KCNQ1: variants seen among roughly 807,000 people sequenced by gnomAD.
KCNQ1 encodes potassium voltage-gated channel subfamily KQT member 1.
In KCNQ1, 49 loss-of-function variants were observed where a neutral mutation model predicts 72.4. That is an observed-to-expected ratio of 0.68 (90% CI 0.54 to 0.86). The LOEUF is 0.86. Ranked by LOEUF, KCNQ1 falls within the 40% of genes least tolerant of loss-of-function variation. KCNQ1 has a pLI of 0.00. For missense variants in KCNQ1, 790 were observed against 945.1 expected (o/e 0.84, Z 2.15); for synonymous variants, 450 against 412.6 (o/e 1.09, Z -1.10).
intron 1 of KCNQ1, among the ~76,000 whole-genome samples, chr11:2,485,469 T>C (rs1286151259): frequency 6.6e-6 from 1 of 151,042 alleles, no homozygotes; most frequent in African/African-American, 2.4e-5. Flanking sequence ...CTGTATCCCC[T>C]CTTTCTTACA....
Position 2,457,949 on chromosome 11 carries a change from A to G in KCNQ1, c.386+12465A>G, listed in dbSNP as rs997407266. Among the ~76,000 whole-genome samples, 5 of 152,098 alleles carry G rather than the reference A, an allele frequency of 3.3e-5. No individual in the cohort carries two copies. Among genetic ancestry groups the G allele is most frequent in the Admixed American group, 6.6e-5 (1 of 15,258 alleles). ...TCTCTGTTTCCTGGAAAGGCCCAGG[A>G]CCAAGGACCACTCAGCAGCTAAGAG... On this transcript the variant is annotated intron_variant, in intron 1 of 15. Transcript: ENST00000155840. The surrounding 1 kb of genome is among the most constrained non-coding windows in gnomAD (Gnocchi z 5.0).
chr11:2,695,990 T>C lies in KCNQ1; in HGVS notation c.1514+33909T>C. 2.5e-6 allele frequency: 1 copy of C among 398,648 alleles called. No homozygotes were observed. The highest frequency in any genetic ancestry group is 4.4e-6 in the Non-Finnish European group (1 of 226,060). 24.7% of individuals were successfully genotyped at this position (398,648 alleles called of 1,614,324 possible). On this transcript the variant is annotated intron_variant, in intron 11 of 15. Coordinates refer to ENST00000155840, the MANE Select transcript of KCNQ1 (RefSeq NM_000218.3). The surrounding 1 kb of genome is among the most constrained non-coding windows in gnomAD (Gnocchi z 5.2). ...GTTTCAAATATCTTGTAATGAGTCA[T>C]GGCAAAGTTACATTCATGAGTGTAA...
chr11:2,561,824 G>A (rs901799887), intron 2 of KCNQ1, among the ~76,000 whole-genome samples: 7 of 152,238 alleles, frequency 4.6e-5, no homozygotes, highest in African/African-American at 1.4e-4. Flanking sequence ...CCTCCGAGGA[G>A]GTGGGCCTGT....
intron 11 of KCNQ1, chr11:2,694,211 G>A: frequency 5.0e-6 from 2 of 398,694 alleles, no homozygotes; most frequent in Non-Finnish European, 4.4e-6. Flanking sequence ...GAGGTGGTGA[G>A]GCTATAGGTG....
intron 11 of KCNQ1, among the ~76,000 whole-genome samples, chr11:2,761,319 C>G (rs887101198): frequency 6.6e-6 from 1 of 152,132 alleles, no homozygotes; most frequent in African/African-American, 2.4e-5. Context: ...GTGTTCCTCT[C>G]GACCTACCCT....
In KCNQ1 at chr11:2,621,610, CA is replaced by C. The variant is rs1849173618; in HGVS notation, c.1393+32757del. ...CTTTCTATTCCTGATTTAATCTTAG[CA>C]GGTTGGTTTTTTTCTAGGAATTTGT... On this transcript the variant is annotated intron_variant, in intron 10 of 15. Transcript: ENST00000155840. This position sits in a 1 kb window ranked among gnomAD's most constrained non-coding sequence, Gnocchi z 5.7. 2.5e-6 allele frequency: 1 copy of C among 398,458 alleles called. No homozygotes were observed. 24.7% of individuals were successfully genotyped at this position (398,458 alleles called of 1,614,324 possible).
At chr11:2,609,975 G>A (rs1361404557) in intron 10 of KCNQ1, 1 of 397,736 alleles carries the variant, frequency 2.5e-6, no homozygotes, top group African/African-American at 2.1e-5. Flanking sequence ...GATAATTCCT[G>A]CCTTTGATTA....
intron 11 of KCNQ1, chr11:2,665,197 T>C (rs1195989817): frequency 1.5e-5 from 6 of 398,556 alleles, no homozygotes; most frequent in Middle Eastern, 1.2e-3. Context: ...CGAACACACC[T>C]TTCAGGCAGA....
chr11:2,523,573 C>G (rs1005392260), intron 1 of KCNQ1, among the ~76,000 whole-genome samples: 4 of 152,206 alleles, frequency 2.6e-5, no homozygotes, highest in South Asian at 2.1e-4. Flanking sequence ...CCAAACAGCA[C>G]GAGAATCGAA....
intron 2 of KCNQ1, among the ~76,000 whole-genome samples, chr11:2,529,581 T>C (rs1210239205): frequency 6.6e-6 from 1 of 152,214 alleles, no homozygotes; most frequent in Admixed American, 6.5e-5. Flanking sequence ...TGCCATCACA[T>C]AGGGAGTTTC....
rs1349937004 is a variant in KCNQ1, at chr11:2,462,552, C to T, written c.386+17068C>T. On this transcript the variant is annotated intron_variant, in intron 1 of 15. Coordinates refer to ENST00000155840, the MANE Select transcript of KCNQ1 (RefSeq NM_000218.3). The surrounding 1 kb of genome is among the most constrained non-coding windows in gnomAD (Gnocchi z 8.2). The stretch of plus-strand genomic sequence containing the variant: ...CCATGTGCCCCCCGTGAGGCCCCCA[C>T]CTGTTACTGAGTGGCAGGGACGTGC... Among the ~76,000 whole-genome samples, 2 of 152,186 alleles carry T rather than the reference C, an allele frequency of 1.3e-5. No individual in the cohort carries two copies. The highest frequency in any genetic ancestry group is 2.9e-5 in the Non-Finnish European group (2 of 68,016).
rs541745588 is a variant in KCNQ1, at chr11:2,564,364, C to T, written c.478-6264C>T. On this transcript the variant is annotated intron_variant, in intron 2 of 15. Transcript: ENST00000155840. This position sits in a 1 kb window ranked among gnomAD's most constrained non-coding sequence, Gnocchi z 4.5. ...ATCCCAGCACTTTGGAAGGCTGAGGCGGGCGGATCACCTGAGGTCAGGAGT... is the reference window on the plus strand; with the variant it reads ...ATCCCAGCACTTTGGAAGGCTGAGGTGGGCGGATCACCTGAGGTCAGGAGT... 2.0e-5 allele frequency among the ~76,000 whole-genome samples: 3 copies of T among 152,244 alleles called. No homozygotes were observed. Among genetic ancestry groups the T allele is most frequent in the South Asian group, 4.1e-4 (2 of 4,824 alleles).
chr11:2,586,167 T>A (rs113878964), intron 8 of KCNQ1, among the ~76,000 whole-genome samples: 1,779 of 152,286 alleles, frequency 0.012, 40 homozygotes, highest in African/African-American at 0.041. Context: ...ACAGTGTCAG[T>A]TCCTCTGGGC....
At chr11:2,616,973 T>C (rs1849076153) in intron 10 of KCNQ1, 1 of 398,122 alleles carries the variant, frequency 2.5e-6, no homozygotes, top group South Asian at 1.3e-4. Context: ...GTTTTTTTTT[T>C]TTAATTTTAA....
At chr11:2,794,655 CAG>C (rs1195458051) in intron 15 of KCNQ1, among the ~76,000 whole-genome samples, 1 of 152,134 alleles carries the variant, frequency 6.6e-6, no homozygotes, top group Non-Finnish European at 1.5e-5. Flanking sequence ...GGAGGGGCGT[CAG>C]GGAGTACACC....
Position 2,809,015 on chromosome 11 carries a change from AAATGGAGG to A in KCNQ1, c.1794+30993_1794+31000del, listed in dbSNP as rs1203086466. 2.7e-5 allele frequency among the ~76,000 whole-genome samples: 4 copies of A among 148,852 alleles called. No individual in the cohort carries two copies. The highest frequency in any genetic ancestry group is 9.9e-5 in the African/African-American group (4 of 40,312). On this transcript the variant is annotated intron_variant, in intron 15 of 15. Coordinates refer to ENST00000155840, the MANE Select transcript of KCNQ1 (RefSeq NM_000218.3). This position sits in a 1 kb window ranked among gnomAD's most constrained non-coding sequence, Gnocchi z 7.1. The stretch of plus-strand genomic sequence containing the variant: ...GGGAGGGAGGGAAGGAGGGATGGAT[AAATGGAGG>A]AATGGAGGAATGGATGGATGGAGGG...
intron 11 of KCNQ1, chr11:2,699,280 C>T (rs1042186993): frequency 3.8e-5 from 15 of 398,814 alleles, no homozygotes; most frequent in Admixed American, 8.8e-5. Context: ...GGCCAGGCTG[C>T]ACTGCTGACG....
intron 1 of KCNQ1, among the ~76,000 whole-genome samples, chr11:2,513,919 G>GC (rs976576187): frequency 2.0e-5 from 3 of 152,204 alleles, no homozygotes; most frequent in Non-Finnish European, 4.4e-5. Context: ...GGCCTCTGAT[G>GC]CCCCCCGGCC....
intron 6 of KCNQ1, among the ~76,000 whole-genome samples, chr11:2,575,681 G>C (rs569150468): frequency 2.6e-5 from 4 of 152,186 alleles, no homozygotes; most frequent in African/African-American, 4.8e-5. Flanking sequence ...TCCGTCCGTC[G>C]GGGCTGCCAC....
Sources: allele counts gnomAD v4.1 joint callset (sites outside exome capture counted in the v4.1 genomes callset), GRCh38; gene constraint gnomAD v4.1.1; non-coding constraint Gnocchi (gnomAD v3.1); transcripts MANE v1.5; gene names NCBI Gene and HGNC (gene_info 2026-07-23, HGNC 2026-07-21).